TRHDE: variants seen among roughly 807,000 people sequenced by gnomAD.
TRHDE encodes thyrotropin releasing hormone degrading enzyme.
TRHDE carries 72 observed loss-of-function variants against 125.7 expected under a neutral mutation model. The ratio of observed to expected loss-of-function variants is 0.57; its 90% CI spans 0.47 to 0.70. TRHDE has a LOEUF of 0.70. Ranked by LOEUF, TRHDE falls within the 30% of genes least tolerant of loss-of-function variation. The pLI, the probability that TRHDE is intolerant of heterozygous loss-of-function variation, is 0.00. For missense variants in TRHDE, 1,110 were observed against 1,327.1 expected, an observed-to-expected ratio of 0.84 and a Z score of 2.54; for synonymous variants, 509 against 509.1, an observed-to-expected ratio of 1.00 and a Z score of 0.00.
intron 12 of TRHDE, among the ~76,000 whole-genome samples, chr12:72,590,355 C>A (rs1216446880): frequency 6.6e-6 from 1 of 151,876 alleles, no homozygotes; most frequent in Non-Finnish European, 1.5e-5. Flanking sequence ...GCATTTAAAT[C>A]AAGATGAATA....
chr12:72,389,104 T>G (rs1872537761), intron 3 of TRHDE, among the ~76,000 whole-genome samples: 2 of 152,040 alleles, frequency 1.3e-5, no homozygotes, highest in Admixed American at 1.3e-4. Context: ...TAGGAAGTGA[T>G]AACTGCTATA....
intron 2 of TRHDE, among the ~76,000 whole-genome samples, chr12:72,170,379 G>A (rs191031179): frequency 5.3e-5 from 8 of 152,260 alleles, no homozygotes; most frequent in Middle Eastern, 3.4e-3. Flanking sequence ...ACAAGGACAC[G>A]CAATGAGGTT....
chr12:72,581,976 C>A (rs1471532193), intron 12 of TRHDE, among the ~76,000 whole-genome samples: 1 of 151,882 alleles, frequency 6.6e-6, no homozygotes, highest in Admixed American at 6.6e-5. Flanking sequence ...GTGGCAGGCG[C>A]CTGTAGTTCC....
intron 3 of TRHDE, among the ~76,000 whole-genome samples, chr12:72,454,316 A>C (rs943229133): frequency 3.3e-5 from 5 of 152,162 alleles, no homozygotes; most frequent in Non-Finnish European, 7.4e-5. Context: ...TATTTTTTGC[A>C]GGAATCTTTT....
chr12:72,493,683 C>T (rs17111240), intron 5 of TRHDE, among the ~76,000 whole-genome samples: 15,779 of 151,874 alleles, frequency 0.1, 1,208 homozygotes, highest in African/African-American at 0.21. Context: ...TTTCTCATTA[C>T]TGGTAATTTA....
intron 2 of TRHDE, among the ~76,000 whole-genome samples, chr12:72,369,066 A>C (rs1458298277): frequency 6.6e-6 from 1 of 152,192 alleles, no homozygotes; most frequent in Admixed American, 6.6e-5. Context: ...AAAGGGGTTG[A>C]AGATATCTGC....
chr12:72,225,632 T>C (rs1878114020), intron 2 of TRHDE, among the ~76,000 whole-genome samples: 2 of 152,222 alleles, frequency 1.3e-5, no homozygotes, highest in Admixed American at 6.5e-5. Context: ...ATGTAATACG[T>C]GAAAGGTCAA....
intron 2 of TRHDE, among the ~76,000 whole-genome samples, chr12:72,356,705 A>G (rs1029865083): frequency 1.3e-5 from 2 of 151,430 alleles, no homozygotes; most frequent in African/African-American, 4.8e-5. Context: ...AAAATTTGTT[A>G]AAGAGGTAAA....
intron 9 of TRHDE, among the ~76,000 whole-genome samples, chr12:72,567,798 T>A (rs1166048330): frequency 6.6e-6 from 1 of 152,094 alleles, no homozygotes; most frequent in Non-Finnish European, 1.5e-5. Context: ...TGTAAGACCA[T>A]CCAGCATATC....
chr12:72,458,410 T>A (rs1032597932), intron 3 of TRHDE, among the ~76,000 whole-genome samples: 1 of 152,140 alleles, frequency 6.6e-6, no homozygotes, highest in African/African-American at 2.4e-5. Flanking sequence ...ATCTTGTCAG[T>A]ATGCTTTGTG....
intron 2 of TRHDE, among the ~76,000 whole-genome samples, chr12:72,370,940 G>A (rs983424202): frequency 6.6e-6 from 1 of 151,888 alleles, no homozygotes; most frequent in African/African-American, 2.4e-5. Context: ...ATGGGGTTTC[G>A]CCATGTTGGC....
rs536483258 is a variant in TRHDE, at chr12:72,266,145, TA to T, written n.280-111847del. 7.2e-5 allele frequency among the ~76,000 whole-genome samples: 11 copies of T among 152,136 alleles called. No homozygotes were observed. In the East Asian group the frequency reaches 2.1e-3, roughly 29 times the overall value. On this transcript the variant is annotated intron_variant and non_coding_transcript_variant, in intron 2 of 4. Coordinates refer to the TRHDE transcript ENST00000548156. The stretch of plus-strand genomic sequence containing the variant: ...TATTATTAAATGAAAGAATGGGGAA[TA>T]AATGATTGGAAGACAGAAAAACATA...
intron 2 of TRHDE, among the ~76,000 whole-genome samples, chr12:72,123,990 A>G (rs1260678516): frequency 1.3e-5 from 2 of 152,132 alleles, no homozygotes; most frequent in Non-Finnish European, 2.9e-5. Flanking sequence ...TTACATGATC[A>G]GTGGTTTGTT....
chr12:72,182,085 T>C (rs1655831209), intron 2 of TRHDE, among the ~76,000 whole-genome samples: 1 of 152,210 alleles, frequency 6.6e-6, no homozygotes, highest in South Asian at 2.1e-4. Flanking sequence ...TAACAATGGC[T>C]TTACAGGTGA....
chr12:72,499,465 A>G (rs199666215), intron 5 of TRHDE, 33 bp from the exon 6 acceptor site: 2 of 1,606,778 alleles, frequency 1.2e-6, no homozygotes, highest in East Asian at 2.2e-5. Flanking sequence ...ACTATGAATC[A>G]CCTATGATAT....
intron 18 of TRHDE, among the ~76,000 whole-genome samples, chr12:72,657,560 C>T (rs1461886657): frequency 1.3e-5 from 2 of 152,148 alleles, no homozygotes; most frequent in Non-Finnish European, 2.9e-5. Context: ...TGCTTTAAAA[C>T]TGCTTGGTAC....
chr12:72,323,232 A>T (rs1398344056), intron 2 of TRHDE, among the ~76,000 whole-genome samples: 2 of 152,162 alleles, frequency 1.3e-5, no homozygotes, highest in Non-Finnish European at 2.9e-5. Context: ...ATGTCTAATT[A>T]AAGGATAAAT....
At chr12:72,531,994 T>C (rs1868580869) in intron 6 of TRHDE, among the ~76,000 whole-genome samples, 1 of 152,124 alleles carries the variant, frequency 6.6e-6, no homozygotes, top group African/African-American at 2.4e-5. Context: ...GAAAAAGAAA[T>C]TATTTTGAGA....
chr12:72,349,849 A>G (rs960694457), intron 2 of TRHDE, among the ~76,000 whole-genome samples: 6 of 151,988 alleles, frequency 3.9e-5, no homozygotes, highest in African/African-American at 1.4e-4. Flanking sequence ...TTTGAGACCT[A>G]GTTGCCTCAT....
Sources: gnomAD v4.1 joint callset for allele counts (sites outside exome capture counted in the v4.1 genomes callset) on GRCh38, gnomAD v4.1.1 for gene constraint, MANE v1.5 for transcripts, NCBI Gene and HGNC (gene_info 2026-07-23, HGNC 2026-07-21) for gene names.